The following LRRC49 variants were observed in gnomAD, a reference collection of about 807,000 sequenced individuals.
The protein encoded by LRRC49 is leucine rich repeat containing 49.
A neutral mutation model predicts 83.3 loss-of-function variants in LRRC49; 50 were observed. The ratio of observed to expected loss-of-function variants is 0.60; its 90% CI spans 0.48 to 0.76. The LOEUF is 0.76. Ranked by LOEUF, LRRC49 falls within the 30% of genes least tolerant of loss-of-function variation. LRRC49 has a pLI of 0.00. For synonymous variants in LRRC49, 286 were observed against 283.3 expected, an observed-to-expected ratio of 1.01 and a Z score of -0.10; for missense variants, 704 against 809.1, an observed-to-expected ratio of 0.87 and a Z score of 1.58.
intron 8 of LRRC49, among the ~76,000 whole-genome samples, chr15:70,949,186 A>C (rs2036122209): frequency 1.3e-5 from 2 of 152,208 alleles, no homozygotes; most frequent in Admixed American, 1.3e-4. Flanking sequence ...TAGTTTGCCA[A>C]GTCCTGGTCT....
chr15:71,026,554 C>T (rs1261608529), intron 14 of LRRC49, among the ~76,000 whole-genome samples: 1 of 152,096 alleles, frequency 6.6e-6, no homozygotes, highest in African/African-American at 2.4e-5. Flanking sequence ...GAACTTCACC[C>T]CAGCCTGGGT....
intron 11 of LRRC49, among the ~76,000 whole-genome samples, chr15:70,984,973 G>A: frequency 7.0e-6 from 1 of 142,028 alleles, no homozygotes; most frequent in African/African-American, 2.6e-5. Flanking sequence ...CATTTTTTAT[G>A]GCTGCATAGT....
chr15:70,952,079 T>C (rs2036236051), intron 8 of LRRC49, among the ~76,000 whole-genome samples: 2 of 152,186 alleles, frequency 1.3e-5, no homozygotes, highest in African/African-American at 2.4e-5. Context: ...TTGATTTGTG[T>C]ATGTTGAACC....
chr15:70,899,749 G>T (rs2033992370), intron 3 of LRRC49, among the ~76,000 whole-genome samples: 1 of 152,118 alleles, frequency 6.6e-6, no homozygotes, highest in East Asian at 1.9e-4. Flanking sequence ...CTCCCAAAGA[G>T]TAGGTTAGCT....
chr15:70,977,661 A>G (rs545718739), intron 9 of LRRC49, among the ~76,000 whole-genome samples: 1 of 152,074 alleles, frequency 6.6e-6, no homozygotes, highest in Non-Finnish European at 1.5e-5. Context: ...AAAAAATAAT[A>G]ATTATTATTA....
rs775599473 is a variant in LRRC49, at chr15:70,911,544, C to T, written c.513C>T (p.Ile171=). 1 of 1,578,852 alleles carries T rather than the reference C, an allele frequency of 6.3e-7. No individual in the cohort carries two copies. Among genetic ancestry groups the T allele is most frequent in the Non-Finnish European group, 8.6e-7 (1 of 1,157,720 alleles). The change falls in exon 6 of 16, where the codon ATC becomes ATT. Residue 171 remains isoleucine, a synonymous_variant. Transcript: ENST00000260382. The stretch of plus-strand genomic sequence containing the variant: ...TTCTGGTTTTCAGAATCAAGAAAAT[C>T]TCAAATCTGGAGAATCTAAAAAGCT... ...LLLGKNRIKK[I]SNLENLKSLD...
intron 1 of LRRC49, among the ~76,000 whole-genome samples, chr15:70,864,751 T>G (rs187385847): frequency 6.6e-6 from 1 of 152,182 alleles, no homozygotes; most frequent in African/African-American, 2.4e-5. Flanking sequence ...TAAACTCAGA[T>G]GTGGAGAAAA....
At chr15:70,853,808 C>A in intron 1 of LRRC49, 1 of 1,044,412 alleles carries the variant, frequency 9.6e-7, no homozygotes, top group Non-Finnish European at 1.2e-6. Flanking sequence ...GAGGAGTTGT[C>A]GCGCGCAGTC....
chr15:71,009,574 G>A (rs1370002061), intron 12 of LRRC49: 5 of 362,570 alleles, frequency 1.4e-5, no homozygotes, highest in East Asian at 1.3e-4. Context: ...ACTGTCATTT[G>A]TAGAAGGAGT....
intron 8 of LRRC49, among the ~76,000 whole-genome samples, chr15:70,945,933 T>C (rs1363557936): frequency 6.6e-6 from 1 of 152,170 alleles, no homozygotes; most frequent in Non-Finnish European, 1.5e-5. Context: ...CATTGTTTGG[T>C]TTTGTTTTAA....
chr15:70,871,779 T>A (rs1355031790), intron 1 of LRRC49, among the ~76,000 whole-genome samples: 5 of 121,626 alleles, frequency 4.1e-5, no homozygotes, highest in Non-Finnish European at 8.4e-5. Context: ...GGGCAGAGGC[T>A]CTCCTCACAT....
chr15:71,038,244 A>G (rs774175578), intron 15 of LRRC49, among the ~76,000 whole-genome samples: 4 of 152,202 alleles, frequency 2.6e-5, no homozygotes, highest in Non-Finnish European at 4.4e-5. Context: ...ATATATAGAT[A>G]TAACATTTAG....
intron 14 of LRRC49, among the ~76,000 whole-genome samples, chr15:71,036,153 G>A (rs1217268805): frequency 6.6e-6 from 1 of 152,142 alleles, no homozygotes; most frequent in African/African-American, 2.4e-5. Flanking sequence ...TTTAAGAAGT[G>A]TTTGTTATAT....
chr15:71,012,960 G>A (rs74562308), intron 14 of LRRC49, 47 bp downstream of exon 14: 1 of 1,214,978 alleles, frequency 8.2e-7, no homozygotes, highest in African/African-American at 1.5e-5. Flanking sequence ...TGTTACACTA[G>A]AAAAAGAAAT....
chr15:70,879,459 A>C (rs1274180286), intron 2 of LRRC49, among the ~76,000 whole-genome samples: 1 of 152,206 alleles, frequency 6.6e-6, no homozygotes, highest in East Asian at 1.9e-4. Context: ...ACTTCTTCCT[A>C]AACACTTGAA....
chr15:71,037,790 G>T (rs1015509341), intron 15 of LRRC49, among the ~76,000 whole-genome samples: 6 of 151,776 alleles, frequency 4.0e-5, no homozygotes, highest in African/African-American at 1.5e-4. Context: ...TTTTTTTTAT[G>T]ATTACTTAAT....
chr15:70,984,238 G>T lies in LRRC49; in HGVS notation c.1150G>T (p.Ala384Ser), dbSNP rs1463407860. Reference protein sequence around the residue: ...PCQIDGSTLSAFPEETGPLDS... With the variant: ...PCQIDGSTLSSFPEETGPLDS... Reference sequence around the variant, plus strand: ...TCAGATTGATGGAAGCACCCTCTCTGCATTCCCAGAGGAAACAGGGTATGC... The same window carrying T: ...TCAGATTGATGGAAGCACCCTCTCTTCATTCCCAGAGGAAACAGGGTATGC... Residue 384 changes from alanine (A) to serine (S), a missense_variant, in exon 11 of 16, where the codon GCA (alanine) becomes TCA (serine). By Grantham distance (99) the Ala-to-Ser change is moderately conservative. Transcript: ENST00000260382. 6.2e-7 allele frequency: 1 copy of T among 1,611,642 alleles called. No homozygotes were observed. Among genetic ancestry groups the T allele is most frequent in the Non-Finnish European group, 8.5e-7 (1 of 1,178,740 alleles).
intron 11 of LRRC49, among the ~76,000 whole-genome samples, chr15:70,997,142 T>C (rs1373809268): frequency 1.3e-5 from 2 of 152,188 alleles, no homozygotes; most frequent in East Asian, 3.9e-4. Flanking sequence ...GGTAGGGTAT[T>C]GAAGTCTCCA....
At chr15:70,871,525 C>A (rs528124572) in intron 1 of LRRC49, among the ~76,000 whole-genome samples, 3 of 148,428 alleles carry the variant, frequency 2.0e-5, no homozygotes, top group African/African-American at 5.0e-5. Flanking sequence ...CCAGACGGGG[C>A]GACCGGGCAG....
Sources: gnomAD v4.1 joint callset for allele counts (sites outside exome capture counted in the v4.1 genomes callset) on GRCh38, gnomAD v4.1.1 for gene constraint, MANE v1.5 for transcripts, NCBI Gene and HGNC (gene_info 2026-07-23, HGNC 2026-07-21) for gene names.